The following IPO11 variants were observed in gnomAD, a reference collection of about 807,000 sequenced individuals.
The protein encoded by IPO11 is importin 11.
Under a neutral mutation model 143.2 loss-of-function variants are expected in IPO11, and 66 were observed. The observed-to-expected ratio is 0.46, with a 90% CI of 0.38 to 0.57. The LOEUF (loss-of-function observed/expected upper bound fraction) is 0.57. Ranked by LOEUF, IPO11 falls within the 20% of genes least tolerant of loss-of-function variation. The pLI is 0.00. For synonymous variants in IPO11, 385 were observed against 377.8 expected (o/e 1.02, Z -0.22); for missense variants, 1,026 against 1,141.0 (o/e 0.90, Z 1.45).
At chr5:62,439,381 G>C (rs1357446556) in intron 2 of IPO11, among the ~76,000 whole-genome samples, 6 of 143,376 alleles carry the variant, frequency 4.2e-5, no homozygotes, top group Non-Finnish European at 7.5e-5. Context: ...CCGCCTCCCA[G>C]GTTCATGCCA....
chr5:62,559,529 C>T (rs1337746658), intron 26 of IPO11, among the ~76,000 whole-genome samples: 1 of 152,008 alleles, frequency 6.6e-6, no homozygotes, highest in Non-Finnish European at 1.5e-5. Flanking sequence ...TAGCAGTGTT[C>T]ACAGCATCTT....
chr5:62,455,963 G>A (rs1309118075), intron 5 of IPO11, among the ~76,000 whole-genome samples: 1 of 152,100 alleles, frequency 6.6e-6, no homozygotes, highest in African/African-American at 2.4e-5. Flanking sequence ...AGCCTCAAGC[G>A]ATCCACCTGT....
chr5:62,621,783 C>G (rs1746386809), intron 29 of IPO11, among the ~76,000 whole-genome samples: 1 of 152,034 alleles, frequency 6.6e-6, no homozygotes, highest in Non-Finnish European at 1.5e-5. Context: ...ATCTCATTTA[C>G]CCTGTGATTT....
intron 27 of IPO11, among the ~76,000 whole-genome samples, chr5:62,576,782 C>G (rs1169922486): frequency 6.6e-6 from 1 of 152,116 alleles, no homozygotes; most frequent in African/African-American, 2.4e-5. Flanking sequence ...GACTGTGTCT[C>G]AAAAGAATAC....
rs1248672809 is a variant in IPO11 at position 62,591,566 on chromosome 5, T to G, written c.2583-11T>G. Reference sequence around the variant, plus strand: ...TTCCAGTTAACCTGTTTTGCTTTTCTTTTATTCTAGTGTTATCCAAGATAA... The same window carrying G: ...TTCCAGTTAACCTGTTTTGCTTTTCGTTTATTCTAGTGTTATCCAAGATAA... On this transcript the variant is annotated splice_polypyrimidine_tract_variant and intron_variant, in intron 27 of 29. Transcript: ENST00000325324. The G allele has an allele frequency of 1.9e-6, 3 of 1,540,058 alleles. No homozygotes were observed. Among genetic ancestry groups the G allele is most frequent in the Admixed American group, 1.9e-5 (1 of 52,364 alleles).
intron 7 of IPO11, 43 bp downstream of exon 7, chr5:62,470,351 A>G (rs1745721218): frequency 6.5e-7 from 1 of 1,526,962 alleles, no homozygotes; most frequent in Non-Finnish European, 9.1e-7. Context: ...GGAAAGTGGT[A>G]TTTTCCTGAA....
chr5:62,529,049 T>C (rs1318438552), intron 21 of IPO11, among the ~76,000 whole-genome samples: 2 of 152,230 alleles, frequency 1.3e-5, no homozygotes, highest in Non-Finnish European at 2.9e-5. Context: ...TCTGCTCTTA[T>C]GTTTATTATC....
chr5:62,494,135 T>C lies in IPO11; in HGVS notation c.1590+11T>C. 6.2e-7 allele frequency: 1 copy of C among 1,605,662 alleles called. No individual in the cohort carries two copies. The highest frequency in any genetic ancestry group is 8.5e-7 in the Non-Finnish European group (1 of 1,175,984). On this transcript the variant is annotated intron_variant, in intron 16 of 29. Coordinates refer to ENST00000325324, the MANE Select transcript of IPO11 (RefSeq NM_016338.5). ...GATCAAGATTTAGTGGTATGTTTCT[T>C]AAGTGCCTTAAAAGAGTTAGTTTTT...
chr5:62,626,312 G>A (rs991116550), intron 29 of IPO11, among the ~76,000 whole-genome samples: 2 of 152,180 alleles, frequency 1.3e-5, no homozygotes, highest in African/African-American at 4.8e-5. Context: ...ACAGGCATGA[G>A]CCACCGAGCC....
At chr5:62,622,220 G>C (rs1284262271) in intron 29 of IPO11, among the ~76,000 whole-genome samples, 2 of 152,086 alleles carry the variant, frequency 1.3e-5, no homozygotes, top group Non-Finnish European at 2.9e-5. Context: ...TGTATATCAC[G>C]ATCACTTGGG....
At chr5:62,539,606 C>T (rs779180901) in intron 24 of IPO11, among the ~76,000 whole-genome samples, 3 of 152,158 alleles carry the variant, frequency 2.0e-5, no homozygotes, top group Non-Finnish European at 4.4e-5. Context: ...GTAATCTGTG[C>T]TTGTGGCTTG....
chr5:62,575,632 G>A (rs1744289338), intron 27 of IPO11, among the ~76,000 whole-genome samples: 1 of 152,012 alleles, frequency 6.6e-6, no homozygotes, highest in African/African-American at 2.4e-5. Context: ...TTTCCTTATG[G>A]TTAGATTTAT....
intron 19 of IPO11, among the ~76,000 whole-genome samples, chr5:62,510,727 T>C (rs984550312): frequency 1.3e-5 from 2 of 151,948 alleles, no homozygotes; most frequent in Admixed American, 6.6e-5. Context: ...CAGCAGTCGG[T>C]GATTGATTTT....
rs114579498 is a variant in IPO11 at position 62,508,435 on chromosome 5, A to G, written c.1782+2078A>G. 3.9e-3 allele frequency among the ~76,000 whole-genome samples: 599 copies of G among 151,782 alleles called. 3 individuals carry two copies. Among genetic ancestry groups the G allele is most frequent in the African/African-American group, 0.014 (564 of 41,374 alleles). On this transcript the variant is annotated intron_variant, in intron 19 of 29. Transcript: ENST00000325324. ...AGTGCTGGGATTACAGATGAGAACCACCGCAGCTGGCCAGAATTATCTTTT... is the reference window on the plus strand; with the variant it reads ...AGTGCTGGGATTACAGATGAGAACCGCCGCAGCTGGCCAGAATTATCTTTT...
chr5:62,483,156 C>T lies in IPO11; in HGVS notation c.884C>T (p.Ser295Leu), dbSNP rs998069939. Reference protein sequence around the residue: ...PFSFTPLIQRSLEFSVSYVFT... With the variant: ...PFSFTPLIQRLLEFSVSYVFT... Reference sequence around the variant, plus strand: ...TCATTTACTCCTCTAATTCAGAGATCACTGGAATTTTCTGTAAGCTATGTT... The same window carrying T: ...TCATTTACTCCTCTAATTCAGAGATTACTGGAATTTTCTGTAAGCTATGTT... Residue 295 changes from serine to leucine, a missense_variant, in exon 10 of 30, where the codon TCA (serine) becomes TTA (leucine). Physicochemically the swap from Ser to Leu is moderately radical, Grantham distance 145 (BLOSUM62 -2). This residue lies in a region of IPO11 where 429 missense variants were observed against 456.3 expected (regional missense o/e 0.94). Transcript: ENST00000325324. The T allele has an allele frequency of 1.2e-6, 2 of 1,609,628 alleles. No individual in the cohort carries two copies. The highest frequency in any genetic ancestry group is 1.7e-6 in the Non-Finnish European group (2 of 1,177,028).
chr5:62,613,478 T>G (rs1008715100), intron 29 of IPO11, among the ~76,000 whole-genome samples: 25 of 151,938 alleles, frequency 1.6e-4, no homozygotes, highest in Non-Finnish European at 3.2e-4. Flanking sequence ...AATTTTCATA[T>G]TTTTTGTAGA....
At chr5:62,493,261 T>C (rs1420559056) in intron 15 of IPO11, among the ~76,000 whole-genome samples, 2 of 152,186 alleles carry the variant, frequency 1.3e-5, no homozygotes, top group Admixed American at 6.5e-5. Flanking sequence ...GTTCTGAAAA[T>C]AATCTTCATA....
intron 16 of IPO11, among the ~76,000 whole-genome samples, chr5:62,494,422 A>G (rs1408724977): frequency 6.6e-6 from 1 of 152,194 alleles, no homozygotes; most frequent in African/African-American, 2.4e-5. Context: ...CTTTTTAAAA[A>G]TCAGGATAGA....
intron 24 of IPO11, among the ~76,000 whole-genome samples, chr5:62,545,983 C>G (rs1580309033): frequency 6.6e-6 from 1 of 152,176 alleles, no homozygotes; most frequent in Admixed American, 6.6e-5. Flanking sequence ...AATAGGAACA[C>G]TTTTACACTG....
Sources: allele counts gnomAD v4.1 joint callset (sites outside exome capture counted in the v4.1 genomes callset), GRCh38; gene constraint gnomAD v4.1.1; regional missense constraint gnomAD v4.1.1; transcripts MANE v1.5; gene names NCBI Gene and HGNC (gene_info 2026-07-23, HGNC 2026-07-21).